Variants in SLC35D4 observed in about 807,000 individuals in gnomAD.
The protein encoded by SLC35D4 is solute carrier family 35 member D4, also known as UDP-N-acetylglucosamine transporter SLC35D4.
chr18:23,436,766 C>A, the SLC35D4 span, among the ~76,000 whole-genome samples: 1 of 152,170 alleles, frequency 6.6e-6, no homozygotes, highest in African/African-American at 2.4e-5. Context: ...GCACTCCAGC[C>A]TGGGTGACAG....
the SLC35D4 span, chr18:23,257,073 C>T: frequency 1.2e-6 from 1 of 803,978 alleles, no homozygotes; most frequent in Non-Finnish European, 1.9e-6. Flanking sequence ...GCAGGAAGCA[C>T]AGCCTGTGCC....
At chr18:23,243,382 C>G in the SLC35D4 span, among the ~76,000 whole-genome samples, 9 of 150,618 alleles carry the variant, frequency 6.0e-5, no homozygotes, top group Admixed American at 5.3e-4. Flanking sequence ...ATCCTGCCAG[C>G]TTTAGGTTAA....
the SLC35D4 span, among the ~76,000 whole-genome samples, chr18:23,287,802 G>A: frequency 5.3e-5 from 8 of 152,310 alleles, no homozygotes; most frequent in South Asian, 1.5e-3. Context: ...GAAGTGCAGA[G>A]CTGTGCAGTC....
At chr18:23,327,903 C>T in the SLC35D4 span, among the ~76,000 whole-genome samples, 18 of 152,152 alleles carry the variant, frequency 1.2e-4, no homozygotes, top group African/African-American at 3.4e-4. Flanking sequence ...ATTCAACATA[C>T]GCAAATCAAT....
the SLC35D4 span, among the ~76,000 whole-genome samples, chr18:23,327,669 A>C: frequency 1.7e-3 from 262 of 151,564 alleles, 3 homozygotes; most frequent in Non-Finnish European, 3.2e-3. Flanking sequence ...CAATCAATAG[A>C]AAAAAAAATA....
At chr18:23,311,916 A>T in the SLC35D4 span, among the ~76,000 whole-genome samples, 9 of 151,378 alleles carry the variant, frequency 5.9e-5, no homozygotes, top group East Asian at 7.8e-4. Context: ...ATGGCCTGGG[A>T]CGGTGCCAAT....
At chr18:23,244,105 C>T in the SLC35D4 span, among the ~76,000 whole-genome samples, 2 of 152,228 alleles carry the variant, frequency 1.3e-5, no homozygotes, top group Non-Finnish European at 2.9e-5. Flanking sequence ...TCATTCTCTA[C>T]TGCCACTGTT....
At chr18:23,304,379 A>G in the SLC35D4 span, among the ~76,000 whole-genome samples, 1 of 146,926 alleles carries the variant, frequency 6.8e-6, no homozygotes, top group African/African-American at 2.5e-5. Context: ...ATATATATTT[A>G]TATAACATAT....
At chr18:23,384,888 G>A in the SLC35D4 span, 1 of 980,560 alleles carries the variant, frequency 1.0e-6, no homozygotes, top group Non-Finnish European at 1.6e-6. Context: ...CTGGAGATTG[G>A]TGGCAGGAAG....
the SLC35D4 span, among the ~76,000 whole-genome samples, chr18:23,391,332 C>A: frequency 6.6e-6 from 1 of 152,026 alleles, no homozygotes; most frequent in Non-Finnish European, 1.5e-5. Context: ...TGGATTTTAC[C>A]CCAGAGACCT....
At chr18:23,368,874 A>C in the SLC35D4 span, 1 of 623,202 alleles carries the variant, frequency 1.6e-6, no homozygotes, top group Non-Finnish European at 2.6e-6. Context: ...TTATCCATAA[A>C]TAGAGGGAAA....
At chr18:23,365,471 T>C in the SLC35D4 span, among the ~76,000 whole-genome samples, 15 of 152,274 alleles carry the variant, frequency 9.9e-5, no homozygotes, top group African/African-American at 3.6e-4. Flanking sequence ...GATGATAAAT[T>C]GGTTTATTAA....
At chr18:23,435,473 T>A in the SLC35D4 span, among the ~76,000 whole-genome samples, 1 of 152,206 alleles carries the variant, frequency 6.6e-6, no homozygotes, top group African/African-American at 2.4e-5. Context: ...CACAAATTTC[T>A]GAATAGGTGC....
the SLC35D4 span, among the ~76,000 whole-genome samples, chr18:23,299,831 G>A: frequency 3.3e-5 from 5 of 152,148 alleles, no homozygotes; most frequent in Non-Finnish European, 2.9e-5. Flanking sequence ...GGGAGCCGAG[G>A]GAGACTGATG....
At chr18:23,377,542 T>C in the SLC35D4 span, 1 of 1,085,078 alleles carries the variant, frequency 9.2e-7, no homozygotes, top group Non-Finnish European at 1.3e-6. Flanking sequence ...TAATAAATTC[T>C]TCTGCCACCT....
the SLC35D4 span, among the ~76,000 whole-genome samples, chr18:23,358,645 C>T: frequency 6.6e-5 from 10 of 152,142 alleles, no homozygotes; most frequent in Non-Finnish European, 1.3e-4. Flanking sequence ...ATTAGCGAGT[C>T]CTTGAGAGTG....
chr18:23,384,523 A>G, the SLC35D4 span, among the ~76,000 whole-genome samples: 4 of 152,230 alleles, frequency 2.6e-5, no homozygotes, highest in African/African-American at 9.6e-5. Flanking sequence ...AGCTGGTGTC[A>G]TTATTACCAC....
At chr18:23,377,197 G>A in the SLC35D4 span, among the ~76,000 whole-genome samples, 1 of 152,212 alleles carries the variant, frequency 6.6e-6, no homozygotes, top group Non-Finnish European at 1.5e-5. Context: ...GAGGCAAAGA[G>A]GACGAGGAAA....
chr18:23,340,742 G>A, the SLC35D4 span, among the ~76,000 whole-genome samples: 3 of 152,334 alleles, frequency 2.0e-5, no homozygotes, highest in South Asian at 6.2e-4. Flanking sequence ...AAGGAAGAAA[G>A]TGATCTTACA....
Sources: gnomAD v4.1 joint callset for allele counts (sites outside exome capture counted in the v4.1 genomes callset) on GRCh38, gnomAD v4.1.1 for gene constraint, MANE v1.5 for transcripts, NCBI Gene and HGNC (gene_info 2026-07-23, HGNC 2026-07-21) for gene names.